DSE: variants seen among roughly 807,000 people sequenced by gnomAD.
DSE encodes dermatan-sulfate epimerase.
In DSE, 36 loss-of-function variants were observed where a neutral mutation model predicts 84.4. The observed-to-expected ratio is 0.43, with a 90% CI of 0.33 to 0.56. DSE has a LOEUF of 0.56. Ranked by LOEUF, DSE falls within the 20% of genes least tolerant of loss-of-function variation. The pLI is 0.06. For synonymous variants in DSE, 410 were observed against 430.1 expected (o/e 0.95, Z 0.58); for missense variants, 862 against 1,169.6 (o/e 0.74, Z 3.84).
In DSE at chr6:116,340,617, C is replaced by T. The variant is rs538096505; in HGVS notation, c.-53-58581C>T. Among the ~76,000 whole-genome samples, 342 of 152,168 alleles carry T rather than the reference C, an allele frequency of 2.2e-3. 2 individuals carry two copies. The highest frequency in any genetic ancestry group is 7.8e-3 in the African/African-American group (324 of 41,522). ...AACTTGTCATTTACATTAGGCATTT[C>T]TCCTAATGCTATCCCTCCCCCAGCC... On this transcript the variant is annotated intron_variant, in intron 2 of 3. Coordinates refer to the DSE transcript ENST00000430252.
At chr6:116,332,648 A>G (rs538125959) in intron 2 of DSE, among the ~76,000 whole-genome samples, 1 of 152,298 alleles carries the variant, frequency 6.6e-6, no homozygotes, top group Admixed American at 6.5e-5. Flanking sequence ...GTGTTTATAT[A>G]TTAAGCAGGA....
chr6:116,353,698 T>C (rs1270122591), intron 2 of DSE, among the ~76,000 whole-genome samples: 1 of 152,202 alleles, frequency 6.6e-6, no homozygotes, highest in Non-Finnish European at 1.5e-5. Context: ...CAGCTGTTAC[T>C]TGATCATAGA....
chr6:116,338,175 C>CTCTTTCTCTT (rs1554214538), intron 2 of DSE, among the ~76,000 whole-genome samples: 1 of 122,870 alleles, frequency 8.1e-6, no homozygotes, highest in Non-Finnish European at 1.7e-5. Flanking sequence ...CTGTCTCTTT[C>CTCTTTCTCTT]TCTTTCTTTC....
intron 1 of DSE, among the ~76,000 whole-genome samples, chr6:116,393,549 T>A (rs571747678): frequency 6.6e-6 from 1 of 152,374 alleles, no homozygotes; most frequent in East Asian, 1.9e-4. Flanking sequence ...TGTTCTATGC[T>A]AAGTGCATCA....
chr6:116,362,956 A>G (rs558926125), intron 2 of DSE, among the ~76,000 whole-genome samples: 7 of 152,344 alleles, frequency 4.6e-5, no homozygotes, highest in Middle Eastern at 3.4e-3. Flanking sequence ...ATCATGGTTT[A>G]TGCTACTGCT....
At chr6:116,386,936 CTT>C (rs1192632208) in intron 1 of DSE, among the ~76,000 whole-genome samples, 6 of 152,158 alleles carry the variant, frequency 3.9e-5, no homozygotes, top group Non-Finnish European at 8.8e-5. Context: ...AGAGAGTAAA[CTT>C]ATAGTATCTT....
intron 2 of DSE, among the ~76,000 whole-genome samples, chr6:116,357,403 G>A (rs1239026216): frequency 6.6e-6 from 1 of 152,016 alleles, no homozygotes; most frequent in African/African-American, 2.4e-5. Context: ...ATGGTAGTGG[G>A]CACCTGTGGT....
Position 116,279,251 on chromosome 6 carries a change from C to A in DSE, c.-54+20284C>A, listed in dbSNP as rs1297111092. The stretch of plus-strand genomic sequence containing the variant: ...ATTTCTTCACCTTCTGGCGGCTGCT[C>A]CTCTACCTCCATCTGCTCCTCCATT... On this transcript the variant is annotated intron_variant, in intron 2 of 3. Coordinates refer to the DSE transcript ENST00000430252. The A allele has an allele frequency of 1.9e-6, 3 of 1,608,688 alleles. No individual in the cohort carries two copies. The highest frequency in any genetic ancestry group is 3.3e-5 in the Admixed American group (2 of 59,984).
intron 2 of DSE, chr6:116,288,154 A>G (rs1774046669): frequency 1.3e-5 from 2 of 152,098 alleles, no homozygotes; most frequent in Middle Eastern, 3.4e-3. Context: ...TCTCCTACTC[A>G]CTAGCTGTTT....
At chr6:116,336,327 T>C (rs1197635635) in intron 2 of DSE, among the ~76,000 whole-genome samples, 1 of 152,238 alleles carries the variant, frequency 6.6e-6, no homozygotes, top group Admixed American at 6.5e-5. Context: ...TTAGCCAAAG[T>C]CTTGCTCATC....
chr6:116,263,036 G>A (rs1425475795), intron 2 of DSE, among the ~76,000 whole-genome samples: 1 of 152,142 alleles, frequency 6.6e-6, no homozygotes, highest in Admixed American at 6.5e-5. Context: ...TTCCAATTAT[G>A]TGATCAATTT....
intron 2 of DSE, among the ~76,000 whole-genome samples, chr6:116,307,283 A>G (rs1033697634): frequency 2.0e-5 from 3 of 152,168 alleles, no homozygotes; most frequent in Admixed American, 6.5e-5. Flanking sequence ...GTGTGGATTG[A>G]TCATTACTTT....
chr6:116,350,188 T>G (rs1002953239), intron 2 of DSE, among the ~76,000 whole-genome samples: 56 of 152,174 alleles, frequency 3.7e-4, no homozygotes, highest in African/African-American at 1.3e-3. Flanking sequence ...GAGAACAGGA[T>G]AGTAAGAAAA....
At chr6:116,279,924 T>C in intron 2 of DSE, 1 of 1,555,872 alleles carries the variant, frequency 6.4e-7, no homozygotes, top group Non-Finnish European at 8.9e-7. Flanking sequence ...CACCCTACAG[T>C]CTCACTAACA....
intron 2 of DSE, among the ~76,000 whole-genome samples, chr6:116,358,588 A>T (rs3053): frequency 0.75 from 114,564 of 152,076 alleles, 44,414 homozygotes; most frequent in East Asian, 1. Context: ...GGGGAACCTC[A>T]GGTGCCTTAC....
At position 116,443,229 on chromosome 6, in the gene DSE, T is replaced by G. The variant is rs1357404174; in HGVS notation, c.*5884T>G. 2.0e-5 allele frequency: 3 copies of G among 152,152 alleles called. No homozygotes were observed. Among genetic ancestry groups the G allele is most frequent in the African/African-American group, 7.2e-5 (3 of 41,420 alleles). The allele number at this position is 152,152 out of a possible 1,614,324, so 9.4% of individuals were successfully genotyped here. On this transcript the variant is annotated 3_prime_UTR_variant, in exon 6 of 6. Coordinates refer to ENST00000644252, the MANE Select transcript of DSE (RefSeq NM_013352.4). ...AATGTGTGGCCAAAGGAATGAATAT[T>G]TTGTGGAAGTATTGATCAGAAAGAT...
intron 2 of DSE, among the ~76,000 whole-genome samples, chr6:116,302,184 G>A (rs932739816): frequency 1.3e-5 from 2 of 152,050 alleles, no homozygotes; most frequent in African/African-American, 4.8e-5. Flanking sequence ...TGGTATTTCT[G>A]TTTCTCGATC....
chr6:116,315,326 TGA>T (rs899599540), intron 2 of DSE, among the ~76,000 whole-genome samples: 24 of 108,646 alleles, frequency 2.2e-4, no homozygotes, highest in Admixed American at 6.8e-4. Flanking sequence ...CATCACCTTC[TGA>T]GATATATATA....
intron 1 of DSE, among the ~76,000 whole-genome samples, chr6:116,379,989 T>C (rs555575970): frequency 6.3e-4 from 96 of 152,260 alleles, no homozygotes; most frequent in Admixed American, 2.0e-3. Flanking sequence ...ATATTACAGA[T>C]CCTAGGGTGG....
Sources: gnomAD v4.1 joint callset for allele counts (sites outside exome capture counted in the v4.1 genomes callset) on GRCh38, gnomAD v4.1.1 for gene constraint, MANE v1.5 for transcripts, NCBI Gene and HGNC (gene_info 2026-07-23, HGNC 2026-07-21) for gene names.